Variants in PTP4A3 observed in about 807,000 individuals in gnomAD.
PTP4A3 encodes the protein protein tyrosine phosphatase type IVA 3.
PTP4A3 carries 9 observed loss-of-function variants against 15.2 expected under a neutral mutation model. That is an observed-to-expected ratio of 0.59 (90% CI 0.36 to 1.03). The LOEUF is 1.03. PTP4A3 is among the 50% of genes least tolerant of loss of function. The pLI is 0.02. For missense variants in PTP4A3, 234 were observed against 252.1 expected (o/e 0.93, Z 0.49); for synonymous variants, 95 against 102.0 (o/e 0.93, Z 0.41).
intron 3 of PTP4A3, chr8:141,426,622 C>G (rs1258131925): frequency 6.1e-6 from 6 of 985,300 alleles, no homozygotes; most frequent in Non-Finnish European, 7.2e-6. Context: ...AGAGCTCGGG[C>G]TGACAGGTGT....
At chr8:141,422,410 C>T (rs1052004880) in intron 2 of PTP4A3, 65 bp downstream of exon 2, 7 of 1,579,378 alleles carry the variant, frequency 4.4e-6, no homozygotes, top group African/African-American at 1.3e-5. Context: ...GCTGAGCTGC[C>T]CTCAGGCCTC....
In PTP4A3 at chr8:141,423,467, T is replaced by C. The variant is rs184930869; in HGVS notation, c.105+1122T>C. Among the ~76,000 whole-genome samples the C allele has an allele frequency of 2.4e-3, 354 of 149,102 alleles. 2 individuals are homozygous for C. The highest frequency in any genetic ancestry group is 8.6e-3 in the African/African-American group (346 of 40,330). ...CACTGTTTGACCAGGATCAGGGCTC[T>C]GTGTGACCAGGGTCAGGGTTCGGTG... On this transcript the variant is annotated intron_variant, in intron 2 of 5. Coordinates refer to ENST00000521578, the MANE Select transcript of PTP4A3 (RefSeq NM_032611.3).
chr8:141,419,373 C>T (rs13270079), intron 1 of PTP4A3, among the ~76,000 whole-genome samples: 104 of 152,144 alleles, frequency 6.8e-4, no homozygotes, highest in African/African-American at 1.9e-3. Context: ...GCTCGGCTCC[C>T]GTGTGCACAC....
chr8:141,407,102 C>T (rs192462282), intron 1 of PTP4A3, among the ~76,000 whole-genome samples: 2 of 152,182 alleles, frequency 1.3e-5, no homozygotes, highest in Non-Finnish European at 1.5e-5. Context: ...CTGACCTGCC[C>T]AGCATCCTCC....
Position 141,425,701 on chromosome 8 carries a change from C to T in PTP4A3, c.198+561C>T, listed in dbSNP as rs1378489545. 6.6e-6 allele frequency among the ~76,000 whole-genome samples: 1 copy of T among 152,164 alleles called. No homozygotes were observed. The highest frequency in any genetic ancestry group is 1.5e-5 in the Non-Finnish European group (1 of 67,990). On this transcript the variant is annotated intron_variant, in intron 3 of 5. Coordinates refer to ENST00000521578, the MANE Select transcript of PTP4A3 (RefSeq NM_032611.3). The surrounding 1 kb of genome is among the most constrained non-coding windows in gnomAD (Gnocchi z 4.2). Reference sequence around the variant, plus strand: ...ACCCCCGGCCCGGTGGACGACTGCCCCCCTGGTGCAGGCCTGCCCAGCTGC... The same window carrying T: ...ACCCCCGGCCCGGTGGACGACTGCCTCCCTGGTGCAGGCCTGCCCAGCTGC...
chr8:141,392,850 G>A (rs1392785833), intron 1 of PTP4A3, among the ~76,000 whole-genome samples: 1 of 152,220 alleles, frequency 6.6e-6, no homozygotes, highest in Admixed American at 6.5e-5. Context: ...CTGTGATAGC[G>A]GCTCCAAGGG....
At chr8:141,405,918 G>A (rs1171529094) in intron 1 of PTP4A3, among the ~76,000 whole-genome samples, 3 of 152,178 alleles carry the variant, frequency 2.0e-5, no homozygotes, top group Non-Finnish European at 4.4e-5. Flanking sequence ...TGCTTGGCAA[G>A]TTGCAGGAAC....
intron 1 of PTP4A3, among the ~76,000 whole-genome samples, chr8:141,396,399 G>T (rs956291398): frequency 9.2e-5 from 14 of 152,196 alleles, no homozygotes; most frequent in Admixed American, 7.9e-4. Context: ...GTCAGTAAAT[G>T]GGCAGGGGAG....
At chr8:141,404,185 G>T (rs1364437393) in intron 1 of PTP4A3, among the ~76,000 whole-genome samples, 1 of 152,292 alleles carries the variant, frequency 6.6e-6, no homozygotes. Context: ...GCCACGCAAT[G>T]GCCCTGAAAG....
intron 1 of PTP4A3, among the ~76,000 whole-genome samples, chr8:141,403,472 A>T (rs774325011): frequency 2.6e-5 from 4 of 152,244 alleles, no homozygotes; most frequent in Admixed American, 6.5e-5. Flanking sequence ...CACATCATCC[A>T]TAAGTTCTTG....
At chr8:141,417,406 T>C (rs975548252) in intron 1 of PTP4A3, among the ~76,000 whole-genome samples, 1 of 151,898 alleles carries the variant, frequency 6.6e-6, no homozygotes, top group African/African-American at 2.4e-5. Flanking sequence ...GTGGGGCTGG[T>C]GGGCTGGGCA....
chr8:141,429,318 C>T (rs1040341168), intron 5 of PTP4A3, among the ~76,000 whole-genome samples: 3 of 152,268 alleles, frequency 2.0e-5, no homozygotes, highest in Non-Finnish European at 2.9e-5. Flanking sequence ...CCTGTGGCCA[C>T]GCCTGAGGTC....
At chr8:141,398,979 G>A (rs1258182502) in intron 1 of PTP4A3, among the ~76,000 whole-genome samples, 1 of 152,094 alleles carries the variant, frequency 6.6e-6, no homozygotes, top group African/African-American at 2.4e-5. Context: ...CCCCATCTCA[G>A]TCCCCTTCCC....
chr8:141,426,412 C>T (rs1833579924), intron 3 of PTP4A3: 3 of 984,102 alleles, frequency 3.0e-6, no homozygotes, highest in African/African-American at 1.7e-5. Flanking sequence ...CCGCCTGTTT[C>T]GAGTCCTGCC....
chr8:141,413,568 G>C (rs1420186289), intron 1 of PTP4A3, among the ~76,000 whole-genome samples: 1 of 152,224 alleles, frequency 6.6e-6, no homozygotes, highest in African/African-American at 2.4e-5. Context: ...TTATAACAGA[G>C]CTCTGGGGTG....
intron 1 of PTP4A3, among the ~76,000 whole-genome samples, chr8:141,418,932 T>G (rs1833189788): frequency 6.6e-6 from 1 of 152,112 alleles, no homozygotes; most frequent in Admixed American, 6.5e-5. Context: ...AGCCACATAG[T>G]GGTGCCAGGG....
intron 1 of PTP4A3, among the ~76,000 whole-genome samples, chr8:141,417,718 C>G (rs1199556524): frequency 6.6e-6 from 1 of 152,020 alleles, no homozygotes; most frequent in Admixed American, 6.5e-5. Context: ...CTCGCCGCGC[C>G]CCGCACTTCC....
intron 1 of PTP4A3, among the ~76,000 whole-genome samples, chr8:141,410,475 G>A (rs1563729024): frequency 6.6e-6 from 1 of 152,252 alleles, no homozygotes; most frequent in African/African-American, 2.4e-5. Flanking sequence ...GGCACCTGCT[G>A]GGAACTGTGG....
At chr8:141,393,295 T>G (rs1000641416) in intron 1 of PTP4A3, among the ~76,000 whole-genome samples, 3 of 152,194 alleles carry the variant, frequency 2.0e-5, no homozygotes, top group Non-Finnish European at 2.9e-5. Context: ...GCGTTGGAGC[T>G]GCTGTAAATG....
Sources: allele counts gnomAD v4.1 joint callset (sites outside exome capture counted in the v4.1 genomes callset), GRCh38; gene constraint gnomAD v4.1.1; non-coding constraint Gnocchi (gnomAD v3.1); transcripts MANE v1.5; gene names NCBI Gene and HGNC (gene_info 2026-07-23, HGNC 2026-07-21).